Variants in DAB1 observed in about 807,000 individuals in gnomAD.
DAB1 encodes the protein DAB adaptor protein 1, also known as disabled homolog 1.
In DAB1, 15 loss-of-function variants were observed where a neutral mutation model predicts 64.6. The observed-to-expected ratio is 0.23, with a 90% CI of 0.16 to 0.36. The LOEUF is 0.36. Ranked by LOEUF, DAB1 falls within the 10% of genes least tolerant of loss-of-function variation. DAB1 has a pLI of 1.00. For missense variants in DAB1, 596 were observed against 706.7 expected (o/e 0.84, Z 1.78); for synonymous variants, 235 against 251.9 (o/e 0.93, Z 0.64).
At chr1:57,223,683 G>A (rs1343299411) in intron 2 of DAB1, among the ~76,000 whole-genome samples, 2 of 152,142 alleles carry the variant, frequency 1.3e-5, no homozygotes, top group African/African-American at 2.4e-5. Flanking sequence ...GAACCAACCC[G>A]AAACATCTTT....
chr1:58,424,421 C>A (rs1316789517), intron 3 of DAB1, among the ~76,000 whole-genome samples: 1 of 152,174 alleles, frequency 6.6e-6, no homozygotes, highest in East Asian at 1.9e-4. Flanking sequence ...CAAACTGACA[C>A]ATAAAATGAA....
chr1:58,049,594 A>G (rs992579166), intron 5 of DAB1, among the ~76,000 whole-genome samples: 1 of 152,208 alleles, frequency 6.6e-6, no homozygotes, highest in Non-Finnish European at 1.5e-5. Flanking sequence ...TTATTTTGGA[A>G]TAGAAGAAAG....
At chr1:58,506,325 T>C (rs1294066902) in intron 2 of DAB1, 2 of 609,802 alleles carry the variant, frequency 3.3e-6, no homozygotes, top group Admixed American at 2.9e-5. Context: ...TTAGGGTACA[T>C]GTGCACAACG....
intron 9 of DAB1, among the ~76,000 whole-genome samples, chr1:57,038,373 C>T (rs1016294937): frequency 6.6e-6 from 1 of 152,124 alleles, no homozygotes; most frequent in Non-Finnish European, 1.5e-5. Context: ...AGTTAAGATT[C>T]ATGTTTCAAA....
intron 4 of DAB1, among the ~76,000 whole-genome samples, chr1:58,161,548 A>G (rs1246717481): frequency 6.6e-6 from 1 of 152,346 alleles, no homozygotes; most frequent in East Asian, 1.9e-4. Flanking sequence ...GTAACATTTA[A>G]TCAGTACTTA....
At chr1:58,490,318 G>A (rs1200809290) in intron 3 of DAB1, among the ~76,000 whole-genome samples, 2 of 152,146 alleles carry the variant, frequency 1.3e-5, no homozygotes, top group Admixed American at 6.5e-5. Context: ...TAGCCGATTC[G>A]ATCAACTGGA....
chr1:57,586,494 TC>T (rs1413461194), intron 7 of DAB1, among the ~76,000 whole-genome samples: 29 of 151,626 alleles, frequency 1.9e-4, no homozygotes, highest in East Asian at 7.7e-4. Context: ...TCTCTCTCTC[TC>T]TATTTTTTTT....
At chr1:58,300,622 GAGAGAGAGAGAGAGAGAGAGAGAGAGGA>G (rs1662122471) in intron 4 of DAB1, among the ~76,000 whole-genome samples, 1 of 42,228 alleles carries the variant, frequency 2.4e-5, no homozygotes, top group African/African-American at 7.3e-5. Flanking sequence ...GAGAGAGAGA[GAGAGAGAGAGAGAGAGAGAGAGAGAGGA>G]AGGAAGGAAG....
At chr1:57,937,751 A>T (rs1364398556) in intron 5 of DAB1, among the ~76,000 whole-genome samples, 2 of 152,132 alleles carry the variant, frequency 1.3e-5, no homozygotes, top group East Asian at 3.9e-4. Context: ...AGGCTGAAGG[A>T]CTCAAATCTT....
At chr1:58,542,931 C>T (rs1418587452) in intron 1 of DAB1, among the ~76,000 whole-genome samples, 3 of 151,716 alleles carry the variant, frequency 2.0e-5, no homozygotes, top group African/African-American at 4.8e-5. Context: ...GGGTCTACAG[C>T]GGGTGCTATG....
intron 4 of DAB1, among the ~76,000 whole-genome samples, chr1:58,157,772 G>C (rs938353802): frequency 9.9e-5 from 15 of 152,092 alleles, no homozygotes; most frequent in African/African-American, 3.6e-4. Flanking sequence ...TTTAGTCCAT[G>C]ATCCTTCTAC....
intron 5 of DAB1, among the ~76,000 whole-genome samples, chr1:58,057,841 C>T (rs141119085): frequency 1.9e-3 from 293 of 152,186 alleles, no homozygotes; most frequent in African/African-American, 6.7e-3. Context: ...TTCTCACCTC[C>T]AGGTCCTTGC....
rs376249999 is a variant in DAB1 at position 57,532,987 on chromosome 1, A to G, written n.625+116605T>C. Among the ~76,000 whole-genome samples the G allele has an allele frequency of 1.8e-4, 28 of 152,212 alleles. 1 individual carries two copies. The highest frequency in any genetic ancestry group is 1.4e-3 in the Admixed American group (22 of 15,272). On this transcript the variant is annotated intron_variant and non_coding_transcript_variant, in intron 7 of 20. Coordinates refer to the DAB1 transcript ENST00000485760. ...TTGACAGAAAGGAAACTGAGACTCT[A>G]TGATGACTTATAACTTGCCAAAAAT...
intron 4 of DAB1, among the ~76,000 whole-genome samples, chr1:58,297,074 T>C (rs1473362199): frequency 6.6e-6 from 1 of 152,184 alleles, no homozygotes; most frequent in Non-Finnish European, 1.5e-5. Context: ...TGTCATCTCA[T>C]TGTTCTTCTC....
intron 6 of DAB1, among the ~76,000 whole-genome samples, chr1:57,790,195 A>G (rs1188364456): frequency 6.6e-6 from 1 of 152,116 alleles, no homozygotes; most frequent in Non-Finnish European, 1.5e-5. Flanking sequence ...TAACCCCCAC[A>G]GTGTCATGGG....
intron 4 of DAB1, among the ~76,000 whole-genome samples, chr1:58,192,539 A>G (rs556323925): frequency 1.9e-4 from 29 of 152,062 alleles, no homozygotes; most frequent in Non-Finnish European, 3.2e-4. Context: ...TTCCTGAGTT[A>G]TTTCACTTAG....
At chr1:57,142,609 C>CACACACACACACACACACACACACACAT (rs1295314971) in intron 3 of DAB1, among the ~76,000 whole-genome samples, 6 of 149,174 alleles carry the variant, frequency 4.0e-5, no homozygotes, top group African/African-American at 1.3e-4. Context: ...CACACACACA[C>CACACACACACACACACACACACACACAT]ACACACACAC....
At chr1:58,448,023 C>T (rs752896206) in intron 3 of DAB1, among the ~76,000 whole-genome samples, 4 of 152,074 alleles carry the variant, frequency 2.6e-5, no homozygotes, top group Non-Finnish European at 5.9e-5. Context: ...CATGCAGCCT[C>T]ATGCAATGGC....
At chr1:57,660,715 C>G (rs1376164664) in intron 6 of DAB1, among the ~76,000 whole-genome samples, 3 of 152,246 alleles carry the variant, frequency 2.0e-5, no homozygotes, top group Non-Finnish European at 4.4e-5. Flanking sequence ...CCCAGGAGAA[C>G]AGCCACTTTG....
Sources: gnomAD v4.1 joint callset for allele counts (sites outside exome capture counted in the v4.1 genomes callset) on GRCh38, gnomAD v4.1.1 for gene constraint, MANE v1.5 for transcripts, NCBI Gene and HGNC (gene_info 2026-07-23, HGNC 2026-07-21) for gene names.